Variants in NBAS observed in about 807,000 individuals in gnomAD.
The protein encoded by NBAS is NBAS subunit of NRZ tethering complex.
Under a neutral mutation model 302.5 loss-of-function variants are expected in NBAS, and 219 were observed. The ratio of observed to expected loss-of-function variants is 0.72; its 90% CI spans 0.65 to 0.81. The LOEUF is 0.81. Ranked by LOEUF, NBAS falls within the 30% of genes least tolerant of loss-of-function variation. The pLI is 0.00. For synonymous variants in NBAS, 1,118 were observed against 1,021.6 expected (o/e 1.09, Z -1.80); for missense variants, 2,932 against 2,841.6 (o/e 1.03, Z -0.72).
intron 35 of NBAS, among the ~76,000 whole-genome samples, chr2:15,344,118 T>G (rs905590143): frequency 1.8e-4 from 27 of 151,282 alleles, no homozygotes; most frequent in African/African-American, 6.3e-4. Flanking sequence ...AGCCAGCCAA[T>G]AAGCACATGA....
At chr2:15,217,611 A>T (rs540731203) in intron 48 of NBAS, among the ~76,000 whole-genome samples, 10 of 152,392 alleles carry the variant, frequency 6.6e-5, no homozygotes, top group African/African-American at 2.2e-4. Flanking sequence ...TGTAACACTT[A>T]TTGACATGAT....
chr2:15,067,159 CAAAAAAAAAAAAAA>C, the NBAS span, among the ~76,000 whole-genome samples: 47 of 93,322 alleles, frequency 5.0e-4, no homozygotes, highest in African/African-American at 2.1e-3. Context: ...CTTATCTCCA[CAAAAAAAAAAAAAA>C]AAAAAAAAAA....
chr2:15,231,632 A>G (rs560897542), intron 47 of NBAS, among the ~76,000 whole-genome samples: 9 of 152,364 alleles, frequency 5.9e-5, no homozygotes, highest in Non-Finnish European at 1.3e-4. Flanking sequence ...AGAGAATACA[A>G]AAGTTTATAC....
chr2:15,003,620 A>G, the NBAS span, among the ~76,000 whole-genome samples: 1 of 152,222 alleles, frequency 6.6e-6, no homozygotes, highest in Non-Finnish European at 1.5e-5. Flanking sequence ...GCCACTGTGT[A>G]GCTCCTTGAG....
At chr2:15,197,126 A>G (rs1326464897) in intron 48 of NBAS, among the ~76,000 whole-genome samples, 1 of 152,216 alleles carries the variant, frequency 6.6e-6, no homozygotes, top group Non-Finnish European at 1.5e-5. Flanking sequence ...CTAAGTTTGA[A>G]TTGTAGTCAA....
chr2:15,273,020 C>T (rs1669399430), intron 44 of NBAS, among the ~76,000 whole-genome samples: 1 of 152,140 alleles, frequency 6.6e-6, no homozygotes, highest in Non-Finnish European at 1.5e-5. Flanking sequence ...ATTGCTGTTG[C>T]CAAGTCTAAA....
At chr2:15,092,428 C>T in the NBAS span, among the ~76,000 whole-genome samples, 1 of 152,138 alleles carries the variant, frequency 6.6e-6, no homozygotes, top group East Asian at 1.9e-4. Flanking sequence ...AGTATTGGAC[C>T]TGAAACAAAG....
At chr2:15,519,068 G>A (rs1362346618) in intron 9 of NBAS, among the ~76,000 whole-genome samples, 1 of 152,060 alleles carries the variant, frequency 6.6e-6, no homozygotes, top group Non-Finnish European at 1.5e-5. Flanking sequence ...GAAAATAGCA[G>A]GAAAATGATG....
chr2:15,525,098 G>A (rs748516202), intron 9 of NBAS, among the ~76,000 whole-genome samples: 4 of 152,076 alleles, frequency 2.6e-5, no homozygotes, highest in South Asian at 2.1e-4. Context: ...TTAAATGACC[G>A]TCCAGTTTCT....
chr2:15,424,074 A>G (rs1261127899), intron 23 of NBAS, among the ~76,000 whole-genome samples: 1 of 152,260 alleles, frequency 6.6e-6, no homozygotes, highest in Admixed American at 6.5e-5. Flanking sequence ...GACAGTATGT[A>G]CCACATTTTG....
chr2:14,849,444 T>C, the NBAS span, among the ~76,000 whole-genome samples: 7 of 151,734 alleles, frequency 4.6e-5, no homozygotes, highest in Non-Finnish European at 7.4e-5. Context: ...AAGACCAAAT[T>C]TACGTCTGAT....
intron 9 of NBAS, among the ~76,000 whole-genome samples, chr2:15,522,276 G>T (rs893421242): frequency 2.0e-5 from 3 of 152,156 alleles, no homozygotes; most frequent in Admixed American, 6.5e-5. Context: ...CACTAGAAAT[G>T]GGGAGGAGGA....
the NBAS span, among the ~76,000 whole-genome samples, chr2:14,864,514 TTAAGTTTTC>T: frequency 1.3e-5 from 2 of 152,176 alleles, no homozygotes; most frequent in Non-Finnish European, 2.9e-5. Flanking sequence ...GGTCAGTTCT[TTAAGTTTTC>T]TAAACTCAGA....
chr2:15,296,178 T>C (rs1026638824), intron 40 of NBAS, among the ~76,000 whole-genome samples: 8 of 152,168 alleles, frequency 5.3e-5, no homozygotes, highest in Non-Finnish European at 1.2e-4. Flanking sequence ...TCTTCAGATA[T>C]AAAGCAAAGG....
the NBAS span, among the ~76,000 whole-genome samples, chr2:14,808,171 A>T: frequency 2.0e-5 from 3 of 152,234 alleles, no homozygotes; most frequent in South Asian, 2.1e-4. Flanking sequence ...AATAGGAATT[A>T]TTTTCCCCAT....
the NBAS span, among the ~76,000 whole-genome samples, chr2:15,139,390 T>C: frequency 6.6e-6 from 1 of 152,222 alleles, no homozygotes; most frequent in Admixed American, 6.5e-5. Flanking sequence ...GCTTGGAGTT[T>C]AATCTGGTAT....
intron 21 of NBAS, among the ~76,000 whole-genome samples, chr2:15,440,851 T>C (rs945046357): frequency 1.3e-5 from 2 of 151,590 alleles, no homozygotes; most frequent in African/African-American, 2.4e-5. Context: ...GAGAACTACG[T>C]GAAGAATGCA....
At chr2:14,864,927 T>C in the NBAS span, among the ~76,000 whole-genome samples, 2 of 152,258 alleles carry the variant, frequency 1.3e-5, no homozygotes, top group African/African-American at 4.8e-5. Context: ...ATTGTTGTCA[T>C]GCCATCAGTT....
chr2:15,108,362 C>T, the NBAS span, among the ~76,000 whole-genome samples: 1 of 152,180 alleles, frequency 6.6e-6, no homozygotes, highest in East Asian at 1.9e-4. Context: ...AATGACTTAT[C>T]TAAGATCAAA....
Sources: gnomAD v4.1 joint callset for allele counts (sites outside exome capture counted in the v4.1 genomes callset) on GRCh38, gnomAD v4.1.1 for gene constraint, MANE v1.5 for transcripts, NCBI Gene and HGNC (gene_info 2026-07-23, HGNC 2026-07-21) for gene names.